ATP13A4: variants seen among roughly 807,000 people sequenced by gnomAD.
The protein encoded by ATP13A4 is ATPase 13A4, also known as probable cation-transporting ATPase 13A4.
A neutral mutation model predicts 142.5 loss-of-function variants in ATP13A4; 114 were observed. The observed-to-expected ratio is 0.80, with a 90% CI of 0.69 to 0.93. ATP13A4 has a LOEUF of 0.93. ATP13A4 is among the 40% of genes least tolerant of loss of function. ATP13A4 has a pLI of 0.00. For synonymous variants in ATP13A4, 488 were observed against 514.8 expected (o/e 0.95, Z 0.70); for missense variants, 1,392 against 1,454.0 (o/e 0.96, Z 0.69).
chr3:193,529,620 ATG>A (rs1560260790), intron 1 of ATP13A4, among the ~76,000 whole-genome samples: 1 of 39,008 alleles, frequency 2.6e-5, no homozygotes, highest in Non-Finnish European at 5.9e-5. Flanking sequence ...CCAATTTCAC[ATG>A]TTACACAAAA....
At chr3:193,523,136 C>G (rs1275739677) in intron 1 of ATP13A4, among the ~76,000 whole-genome samples, 1 of 152,100 alleles carries the variant, frequency 6.6e-6, no homozygotes, top group African/African-American at 2.4e-5. Context: ...AACCCCGTCT[C>G]TACTAAAAAT....
chr3:193,524,838 T>C (rs1384116781), intron 1 of ATP13A4, among the ~76,000 whole-genome samples: 4 of 152,212 alleles, frequency 2.6e-5, no homozygotes, highest in African/African-American at 9.6e-5. Context: ...TAATAACCTC[T>C]CAGTGATAGC....
At chr3:193,535,482 A>T (rs2108708101) in intron 1 of ATP13A4, among the ~76,000 whole-genome samples, 1 of 152,282 alleles carries the variant, frequency 6.6e-6, no homozygotes, top group East Asian at 1.9e-4. Flanking sequence ...AAAATACATT[A>T]AATTGAATGA....
chr3:193,449,962 A>C (rs1412400461), intron 17 of ATP13A4, among the ~76,000 whole-genome samples: 1 of 152,062 alleles, frequency 6.6e-6, no homozygotes, highest in Non-Finnish European at 1.5e-5. Flanking sequence ...CCTACTAAAA[A>C]TACAACATTA....
chr3:193,403,360 G>C (rs1714342849), intron 29 of ATP13A4, among the ~76,000 whole-genome samples: 1 of 152,130 alleles, frequency 6.6e-6, no homozygotes, highest in African/African-American at 2.4e-5. Context: ...TCTTGGAGTT[G>C]AACAGATCTG....
At chr3:193,566,576 G>A (rs1724139685) in intron 2 of ATP13A4, among the ~76,000 whole-genome samples, 1 of 152,036 alleles carries the variant, frequency 6.6e-6, no homozygotes, top group African/African-American at 2.4e-5. Context: ...ACACATATAC[G>A]CAAACACAAA....
At chr3:193,547,898 G>A (rs539647370) in intron 1 of ATP13A4, among the ~76,000 whole-genome samples, 4 of 152,200 alleles carry the variant, frequency 2.6e-5, no homozygotes, top group East Asian at 1.9e-4. Context: ...TACTCAGCAC[G>A]GCCACTCGAT....
chr3:193,517,590 C>T (rs1008676406), intron 1 of ATP13A4, among the ~76,000 whole-genome samples: 6 of 152,218 alleles, frequency 3.9e-5, no homozygotes, highest in South Asian at 2.1e-4. Context: ...ACGCCATTCT[C>T]CTGCCTCAGC....
At chr3:193,518,479 A>G (rs1382689188) in intron 1 of ATP13A4, among the ~76,000 whole-genome samples, 1 of 152,232 alleles carries the variant, frequency 6.6e-6, no homozygotes, top group Non-Finnish European at 1.5e-5. Flanking sequence ...TGATGAACAC[A>G]TGATTTAGTA....
chr3:193,573,690 G>A (rs1724336171), intron 2 of ATP13A4, among the ~76,000 whole-genome samples: 1 of 152,068 alleles, frequency 6.6e-6, no homozygotes, highest in African/African-American at 2.4e-5. Context: ...CCCAAATCCA[G>A]TCACACTTAC....
At chr3:193,515,983 A>G (rs1721392319) in intron 1 of ATP13A4, among the ~76,000 whole-genome samples, 1 of 152,226 alleles carries the variant, frequency 6.6e-6, no homozygotes, top group Admixed American at 6.5e-5. Context: ...GGATAGTAAT[A>G]GCACCCACAT....
At chr3:193,531,304 A>T (rs868388975) in intron 1 of ATP13A4, among the ~76,000 whole-genome samples, 1 of 101,784 alleles carries the variant, frequency 9.8e-6, no homozygotes, top group East Asian at 3.5e-4. Context: ...GGGAGGAAGG[A>T]AGGAAGGAAG....
chr3:193,457,447 C>A lies in ATP13A4; in HGVS notation c.1693G>T (p.Asp565Tyr). The A allele has an allele frequency of 6.2e-7, 1 of 1,614,092 alleles. No homozygotes were observed. The highest frequency in any genetic ancestry group is 8.5e-7 in the Non-Finnish European group (1 of 1,179,986). ...ATTWEMAFSG[D>Y]DFHIKGVPAH... Reference sequence around the variant, plus strand: ...GGCACTCCCTTGATGTGGAAATCGTCCCCAGAAAAAGCCATTTCCTATTTC... The same window carrying A: ...GGCACTCCCTTGATGTGGAAATCGTACCCAGAAAAAGCCATTTCCTATTTC... The change falls in exon 15 of 30, where the codon GAC becomes TAC. Residue 565 changes from aspartate (D) to tyrosine (Y), a missense_variant. By Grantham distance (160) the Asp-to-Tyr change is radical. Transcript: ENST00000342695.
chr3:193,488,001 C>T (rs539177415), intron 7 of ATP13A4, among the ~76,000 whole-genome samples: 7 of 152,272 alleles, frequency 4.6e-5, no homozygotes, highest in South Asian at 2.1e-4. Context: ...CGGTGGCTCA[C>T]GCCTGTAATC....
At chr3:193,441,093 A>G (rs1163770719) in intron 20 of ATP13A4, among the ~76,000 whole-genome samples, 3 of 152,232 alleles carry the variant, frequency 2.0e-5, no homozygotes, top group East Asian at 3.9e-4. Flanking sequence ...GAGGTCATCT[A>G]TCAAAAAACT....
rs1180753163 is a variant in ATP13A4 at position 193,546,055 on chromosome 3, T to C, written c.60+8685A>G. 2.0e-5 allele frequency among the ~76,000 whole-genome samples: 3 copies of C among 151,590 alleles called. No homozygotes were observed. The East Asian group carries it at 5.8e-4, about 29-fold the overall frequency. On this transcript the variant is annotated intron_variant, in intron 1 of 29. Coordinates refer to ENST00000342695, the MANE Select transcript of ATP13A4 (RefSeq NM_032279.4). ...CAAGGACCCCAAGAAATCATCTGTA[T>C]TGAGCCTCGGTTCAATCCAGTAAGG...
chr3:193,506,696 A>C (rs1342493268), intron 2 of ATP13A4, among the ~76,000 whole-genome samples: 1 of 152,170 alleles, frequency 6.6e-6, no homozygotes, highest in Non-Finnish European at 1.5e-5. Flanking sequence ...TCATGGGGGC[A>C]GTTACACTCA....
At chr3:193,530,065 C>T (rs1560261082) in intron 1 of ATP13A4, among the ~76,000 whole-genome samples, 1 of 152,156 alleles carries the variant, frequency 6.6e-6, no homozygotes, top group Non-Finnish European at 1.5e-5. Flanking sequence ...CCTTTCCCTT[C>T]TCTCATTTTC....
chr3:193,473,304 A>T (rs1417937185), intron 8 of ATP13A4, among the ~76,000 whole-genome samples: 4 of 152,220 alleles, frequency 2.6e-5, no homozygotes, highest in Non-Finnish European at 5.9e-5. Context: ...CATCAAATAA[A>T]ATAAGGATTT....
Sources: gnomAD v4.1 joint callset for allele counts (sites outside exome capture counted in the v4.1 genomes callset) on GRCh38, gnomAD v4.1.1 for gene constraint, MANE v1.5 for transcripts, NCBI Gene and HGNC (gene_info 2026-07-23, HGNC 2026-07-21) for gene names.